Variants in FAM20C observed in about 807,000 individuals in gnomAD.
The protein encoded by FAM20C is FAM20C golgi associated secretory pathway kinase.
FAM20C carries 40 observed loss-of-function variants against 51.5 expected under a neutral mutation model. The ratio of observed to expected loss-of-function variants is 0.78; its 90% CI spans 0.60 to 1.01. The LOEUF (loss-of-function observed/expected upper bound fraction) is 1.01. Ranked by LOEUF, FAM20C falls within the 50% of genes least tolerant of loss-of-function variation. The pLI, the probability that FAM20C is intolerant of heterozygous loss-of-function variation, is 0.00. For missense variants in FAM20C, 861 were observed against 844.7 expected, an observed-to-expected ratio of 1.02 and a Z score of -0.24; for synonymous variants, 406 against 380.6, an observed-to-expected ratio of 1.07 and a Z score of -0.78.
Position 195,613 on chromosome 7 carries a change from C to T in FAM20C, c.665C>T (p.Ser222Phe), listed in dbSNP as rs766871133. The T allele has an allele frequency of 1.9e-6, 3 of 1,609,490 alleles. No individual in the cohort carries two copies. Among genetic ancestry groups the T allele is most frequent in the Middle Eastern group, 1.6e-4 (1 of 6,076 alleles). ...TCCCCCGGGGAGGCGGCCGTGGACT[C>T]CTATCCCAACTGGCTCAAGTTCCAC... Reference protein sequence around the residue: ...FLSPGEAAVDSYPNWLKFHIG... With the variant: ...FLSPGEAAVDFYPNWLKFHIG... The change falls in exon 2 of 10, where the codon TCC becomes TTC. Residue 222 changes from serine (S) to phenylalanine (F), a missense_variant. Ser to Phe is a radical substitution (Grantham distance 155). This residue lies in a region of FAM20C where 561 missense variants were observed against 499.8 expected (regional missense o/e 1.12). Coordinates refer to ENST00000313766, the MANE Select transcript of FAM20C (RefSeq NM_020223.4).
chr7:218,315 C>A (rs1231122587), intron 3 of FAM20C, among the ~76,000 whole-genome samples: 1 of 152,230 alleles, frequency 6.6e-6, no homozygotes, highest in Non-Finnish European at 1.5e-5. Flanking sequence ...GCAGCCGGGG[C>A]CCCTTTCCGG....
chr7:207,747 C>T (rs1786498281), intron 2 of FAM20C, among the ~76,000 whole-genome samples: 1 of 152,246 alleles, frequency 6.6e-6, no homozygotes, highest in South Asian at 2.1e-4. Flanking sequence ...TACCGGTCCA[C>T]AGCGCGTGAC....
In FAM20C at chr7:255,910, C is replaced by T. The variant is rs544733662; in HGVS notation, c.1134C>T (p.Cys378=). The change falls in exon 6 of 10, where the codon TGC becomes TGT. Residue 378 remains cysteine (C), a synonymous_variant. Coordinates refer to ENST00000313766, the MANE Select transcript of FAM20C (RefSeq NM_020223.4). ...ACTGCTCCACGGAGCACGCCCTGTGCGGGAAGCCAGACCAGATCGAGGGCT... is the reference window on the plus strand; with the variant it reads ...ACTGCTCCACGGAGCACGCCCTGTGTGGGAAGCCAGACCAGATCGAGGGCT... ...SYYCSTEHAL[C]GKPDQIEGSL... The T allele has an allele frequency of 4.8e-5, 74 of 1,536,460 alleles. No individual in the cohort carries two copies. Among genetic ancestry groups the T allele is most frequent in the South Asian group, 1.1e-4 (9 of 84,064 alleles).
chr7:230,376 G>GT (rs764985248), intron 3 of FAM20C, among the ~76,000 whole-genome samples: 1 of 107,024 alleles, frequency 9.3e-6, no homozygotes, highest in Non-Finnish European at 2.1e-5. Flanking sequence ...ACGGGGTGGG[G>GT]GGGGGGGGGA....
chr7:260,252 A>G lies in FAM20C; in HGVS notation c.*272A>G, dbSNP rs1788827605. The G allele has an allele frequency of 2.4e-6, 1 of 411,734 alleles. No homozygotes were observed. Among genetic ancestry groups the G allele is most frequent in the Non-Finnish European group, 4.3e-6 (1 of 231,592 alleles). 25.5% of individuals were successfully genotyped at this position (411,734 alleles called of 1,614,324 possible). A position where few individuals can be genotyped will look rare whatever the true frequency, so the allele number is the denominator to read the frequency against. ...ATTCCATCCTTTCTGTAGGGAAAGG[A>G]GCCTTTATTTACTATTTTGTATTTA... On this transcript the variant is annotated 3_prime_UTR_variant, in exon 10 of 10. Transcript: ENST00000313766.
rs1788715151 is a variant in FAM20C at position 258,301 on chromosome 7, TGGGTGGG to T, written c.1446-344_1446-338del. The stretch of plus-strand genomic sequence containing the variant: ...GACCCACTGCCTGGGGTGCTGGAGA[TGGGTGGG>T]ATGGACCCACTGCCCGGGGTGCTGG... On this transcript the variant is annotated intron_variant, in intron 8 of 9. Coordinates refer to ENST00000313766, the MANE Select transcript of FAM20C (RefSeq NM_020223.4). 1.2e-4 allele frequency among the ~76,000 whole-genome samples: 12 copies of T among 101,564 alleles called. 1 individual carries two copies. The highest frequency in any genetic ancestry group is 3.7e-4 in the African/African-American group (8 of 21,746). The allele number at this position is 101,564 out of a possible 152,430, so 66.6% of individuals were successfully genotyped here.
In FAM20C at chr7:193,636, G is replaced by A. The variant is rs747581446; in HGVS notation, c.437G>A (p.Arg146His). 1.3e-6 allele frequency: 2 copies of A among 1,538,194 alleles called. No homozygotes were observed. The highest frequency in any genetic ancestry group is 2.0e-5 in the Admixed American group (1 of 50,458). Residue 146 changes from arginine (R) to histidine (H), a missense_variant, in exon 1 of 10, where the codon CGT becomes CAT. Transcript: ENST00000313766. The stretch of plus-strand genomic sequence containing the variant: ...CCGCTGCTGCGAGACCCCGGCCCGC[G>A]TCGGTCCGAGTCGCCCCCCGGCCCC... ...HRPLLRDPGPRRSESPPGPGG... is the reference protein window; with the variant it reads ...HRPLLRDPGPHRSESPPGPGG...
chr7:220,089 G>A (rs921879267), intron 3 of FAM20C, among the ~76,000 whole-genome samples: 1 of 152,186 alleles, frequency 6.6e-6, no homozygotes, highest in South Asian at 2.1e-4. Context: ...CTCCCTGGGG[G>A]AAGCCAAGCC....
At chr7:257,665 G>A (rs974934358) in intron 8 of FAM20C, among the ~76,000 whole-genome samples, 10 of 152,294 alleles carry the variant, frequency 6.6e-5, no homozygotes, top group South Asian at 2.1e-4. Context: ...ATCTCAACTC[G>A]GCTGCCCAGG....
intron 6 of FAM20C, 22 bp downstream of exon 6, chr7:256,051 T>A (rs1788578641): frequency 6.5e-7 from 1 of 1,531,044 alleles, no homozygotes; most frequent in Non-Finnish European, 8.7e-7. Context: ...GCCGGGGGGC[T>A]GGCGTCCGGC....
intron 2 of FAM20C, among the ~76,000 whole-genome samples, chr7:200,300 G>A (rs922420111): frequency 2.0e-5 from 3 of 151,232 alleles, no homozygotes; most frequent in Non-Finnish European, 3.0e-5. Flanking sequence ...GAGAGAAAAG[G>A]GAAGATGCCC....
Position 212,952 on chromosome 7 carries a change from C to T in FAM20C, c.863+3976C>T, listed in dbSNP as rs150708477. Among the ~76,000 whole-genome samples, 56 of 142,936 alleles carry T rather than the reference C, an allele frequency of 3.9e-4. 2 individuals are homozygous for T. In the East Asian group the frequency reaches 6.8e-3, roughly 17 times the overall value. 93.8% of individuals were successfully genotyped at this position (142,936 alleles called of 152,430 possible). A position where few individuals can be genotyped will look rare whatever the true frequency, so the allele number is the denominator to read the frequency against. On this transcript the variant is annotated intron_variant, in intron 3 of 9. Coordinates refer to ENST00000313766, the MANE Select transcript of FAM20C (RefSeq NM_020223.4). ...GAGAAATCCTTCGCCATTCTGTCATCACTCCTCAACCCCCTTGTCCGCCTC... is the reference window on the plus strand; with the variant it reads ...GAGAAATCCTTCGCCATTCTGTCATTACTCCTCAACCCCCTTGTCCGCCTC...
Position 256,703 on chromosome 7 carries a change from T to C in FAM20C, c.1303T>C (p.Tyr435His), listed in dbSNP as rs1788604201. 3.9e-6 allele frequency: 6 copies of C among 1,536,130 alleles called. No individual in the cohort carries two copies. Among genetic ancestry groups the C allele is most frequent in the East Asian group, 4.9e-5 (2 of 40,892 alleles). The change falls in exon 7 of 10, where the codon TAC (tyrosine) becomes CAC (histidine). Residue 435 changes from tyrosine to histidine, a missense_variant. Tyr to His is a moderately conservative substitution (Grantham distance 83, BLOSUM62 2). This residue lies in a region of FAM20C where 269 missense variants were observed against 283.8 expected (regional missense o/e 0.95). Transcript: ENST00000313766. ...CGAGGAGGTGAAGCAGACACCGCCCTACGACAGCAGCCACCGCATCCTGGA... is the reference window on the plus strand; with the variant it reads ...CGAGGAGGTGAAGCAGACACCGCCCCACGACAGCAGCCACCGCATCCTGGA... ...YCEEVKQTPP[Y>H]DSSHRILDVM...
At chr7:231,133 TC>T (rs1297686833) in intron 3 of FAM20C, among the ~76,000 whole-genome samples, 1 of 151,976 alleles carries the variant, frequency 6.6e-6, no homozygotes, top group African/African-American at 2.4e-5. Context: ...AGCAGGACCC[TC>T]CCATCCAAGC....
intron 1 of FAM20C, 140 bp downstream of exon 1, chr7:193,944 C>T (rs1362170672): frequency 7.0e-6 from 9 of 1,286,152 alleles, no homozygotes; most frequent in South Asian, 1.8e-5. Context: ...AGGCAGCCGC[C>T]TACCTCAGGG....
rs148592136 is a variant in FAM20C at position 226,275 on chromosome 7, G to A, written c.863+17299G>A. Among the ~76,000 whole-genome samples, 262 of 152,244 alleles carry A rather than the reference G, an allele frequency of 1.7e-3. 1 individual carries two copies. The highest frequency in any genetic ancestry group is 6.1e-3 in the African/African-American group (253 of 41,532). On this transcript the variant is annotated intron_variant, in intron 3 of 9. Transcript: ENST00000313766. ...GATTCCCTTCCTCTGCCTCGTGACC[G>A]GCTAAGCTGTCTGAGTCCCTGGAGA...
At chr7:259,179 G>T (rs1788768477) in intron 9 of FAM20C, among the ~76,000 whole-genome samples, 1 of 152,172 alleles carries the variant, frequency 6.6e-6, no homozygotes, top group African/African-American at 2.4e-5. Context: ...TGCTGAGCTG[G>T]GGTCGGTCTC....
rs1224049766 is a variant in FAM20C, at chr7:234,707, G to A, written c.864-11708G>A. On this transcript the variant is annotated intron_variant, in intron 3 of 9. Coordinates refer to ENST00000313766, the MANE Select transcript of FAM20C (RefSeq NM_020223.4). ...AGTGACTTAGGAAGAACAGAAAGGC[G>A]GGTGTTGAAAATCTGCCCTGTCCTT... 4.6e-5 allele frequency among the ~76,000 whole-genome samples: 7 copies of A among 152,266 alleles called. No homozygotes were observed. In the South Asian group the frequency reaches 8.3e-4, roughly 18 times the overall value.
rs1011191625 is a variant in FAM20C at position 257,121 on chromosome 7, G to A, written c.1445+35G>A. 1.1e-5 allele frequency: 17 copies of A among 1,532,616 alleles called. No individual in the cohort carries two copies. In the South Asian group the frequency reaches 2.0e-4, roughly 18 times the overall value. 94.9% of individuals were successfully genotyped at this position (1,532,616 alleles called of 1,614,324 possible). ...TCCTCGCCCCTGCACACCCAGGGAA[G>A]GGCCGGCCACCTCCCAGCTACCTGC... On this transcript the variant is annotated intron_variant, in intron 8 of 9. Transcript: ENST00000313766.
Sources: allele counts gnomAD v4.1 joint callset (sites outside exome capture counted in the v4.1 genomes callset), GRCh38; gene constraint gnomAD v4.1.1; regional missense constraint gnomAD v4.1.1; transcripts MANE v1.5; gene names NCBI Gene and HGNC (gene_info 2026-07-23, HGNC 2026-07-21).